CHRFAM7A: variants seen among roughly 807,000 people sequenced by gnomAD.
CHRFAM7A encodes CHRNA7-FAM7A fusion protein.
A neutral mutation model predicts 29.2 loss-of-function variants in CHRFAM7A; 3 were observed. The ratio of observed to expected loss-of-function variants is 0.10; its 90% CI spans 0.05 to 0.27. CHRFAM7A has a LOEUF of 0.27. CHRFAM7A is among the 10% of genes least tolerant of loss of function. CHRFAM7A has a pLI of 1.00. For missense variants in CHRFAM7A, 22 were observed against 328.0 expected (o/e 0.07, Z 7.21); for synonymous variants, 7 against 135.4 (o/e 0.05, Z 6.58).
At position 30,371,576 on chromosome 15, in the gene CHRFAM7A, A is replaced by C. The variant is rs538272463; in HGVS notation, c.524-392T>G. On this transcript the variant is annotated intron_variant, in intron 7 of 9. Transcript: ENST00000299847. ...TCTTACGTTTGCTACTCAGCTAGCTATGTGACCTTAGATACAACATTCAAC... is the reference window on the plus strand; with the variant it reads ...TCTTACGTTTGCTACTCAGCTAGCTCTGTGACCTTAGATACAACATTCAAC... Among the ~76,000 whole-genome samples, 5 of 150,178 alleles carry C rather than the reference A, an allele frequency of 3.3e-5. No individual in the cohort carries two copies. In the South Asian group the frequency reaches 1.0e-3, roughly 31 times the overall value.
intron 5 of CHRFAM7A, among the ~76,000 whole-genome samples, chr15:30,373,503 G>A (rs1316412074): frequency 3.1e-5 from 4 of 128,254 alleles, no homozygotes; most frequent in Admixed American, 7.7e-5. Flanking sequence ...TGATGATGAA[G>A]TTAGAAATAG....
intron 9 of CHRFAM7A, among the ~76,000 whole-genome samples, chr15:30,363,085 A>G (rs1008119669): frequency 6.6e-6 from 1 of 151,538 alleles, no homozygotes; most frequent in African/African-American, 2.4e-5. Flanking sequence ...AGCTTCGTGG[A>G]AGGGGAAGGC....
chr15:30,375,732 AGTG>A (rs1335557621), intron 5 of CHRFAM7A, among the ~76,000 whole-genome samples: 2 of 130,172 alleles, frequency 1.5e-5, no homozygotes, highest in Non-Finnish European at 1.6e-5. Context: ...GTATGTGTGG[AGTG>A]GTGAGTGGTG....
At chr15:30,363,050 G>A (rs1220280947) in intron 9 of CHRFAM7A, among the ~76,000 whole-genome samples, 1 of 151,570 alleles carries the variant, frequency 6.6e-6, no homozygotes, top group African/African-American at 2.4e-5. Flanking sequence ...CTCCGGGGCA[G>A]GCACACTGCA....
chr15:30,365,804 T>G, intron 9 of CHRFAM7A, among the ~76,000 whole-genome samples: 2 of 5,660 alleles, frequency 3.5e-4, no homozygotes, highest in South Asian at 6.8e-3. Context: ...AGTGAGTCTT[T>G]TTTTTTTTTT....
intron 9 of CHRFAM7A, among the ~76,000 whole-genome samples, chr15:30,365,733 CTGTG>C (rs1369109684): frequency 2.8e-4 from 29 of 104,848 alleles, no homozygotes; most frequent in African/African-American, 1.1e-3. Context: ...GTGATGTGGT[CTGTG>C]TGTGAGACAT....
intron 5 of CHRFAM7A, among the ~76,000 whole-genome samples, chr15:30,375,183 T>C (rs1353791278): frequency 4.5e-5 from 6 of 133,330 alleles, no homozygotes; most frequent in Non-Finnish European, 9.6e-5. Context: ...TTTTCTAAAA[T>C]AGCCCTCATA....
In CHRFAM7A at chr15:30,362,372, A is replaced by ACCGGG; in HGVS notation, c.1159_1160insCCCGG (p.Val387AlafsTer13). ...GCCGATGGTGCAGATGATGGTGAAG[A>ACCGGG]CCGAGAAGGCCATGAGGCACAGGCG... On this transcript the variant is annotated frameshift_variant, in exon 10 of 10. Transcript: ENST00000299847. LOFTEE classifies it high-confidence loss of function. 1.5e-5 allele frequency: 4 copies of ACCGGG among 258,790 alleles called. No homozygotes were observed. Among genetic ancestry groups the ACCGGG allele is most frequent in the Non-Finnish European group, 2.0e-5 (3 of 152,230 alleles). 16.0% of individuals were successfully genotyped at this position (258,790 alleles called of 1,614,324 possible). A position where few individuals can be genotyped will look rare whatever the true frequency, so the allele number is the denominator to read the frequency against.
chr15:30,371,603 T>TGAACCTCATACTCAGAACAGATACAACA (rs2058859256), intron 7 of CHRFAM7A, among the ~76,000 whole-genome samples: 1 of 149,884 alleles, frequency 6.7e-6, no homozygotes, highest in Non-Finnish European at 1.5e-5. Context: ...ACATTCAACC[T>TGAACCTCATACTCAGAACAGATACAACA]TTCTGAACCT....
chr15:30,377,823 T>C (rs559615429), intron 4 of CHRFAM7A, among the ~76,000 whole-genome samples: 1 of 145,616 alleles, frequency 6.9e-6, no homozygotes, highest in Non-Finnish European at 1.5e-5. Context: ...CACATAAAAA[T>C]AGCTAAAATG....
At chr15:30,363,140 C>T (rs1398002940) in intron 9 of CHRFAM7A, among the ~76,000 whole-genome samples, 2 of 150,628 alleles carry the variant, frequency 1.3e-5, no homozygotes, top group South Asian at 2.1e-4. Flanking sequence ...CCTCTCTGAT[C>T]CTTCCTCATC....
chr15:30,377,964 C>T (rs2058950568), intron 4 of CHRFAM7A, among the ~76,000 whole-genome samples: 1 of 102,382 alleles, frequency 9.8e-6, no homozygotes, highest in Non-Finnish European at 1.9e-5. Flanking sequence ...TTGATAAATA[C>T]TCAACGTTGG....
At chr15:30,374,247 G>A (rs1043438410) in intron 5 of CHRFAM7A, among the ~76,000 whole-genome samples, 36 of 95,112 alleles carry the variant, frequency 3.8e-4, no homozygotes, top group African/African-American at 1.6e-3. Flanking sequence ...CTGGGGCAGG[G>A]CTGGCACTCT....
At chr15:30,371,531 T>C (rs1471136883) in intron 7 of CHRFAM7A, among the ~76,000 whole-genome samples, 68 of 148,644 alleles carry the variant, frequency 4.6e-4, no homozygotes, top group African/African-American at 1.7e-3. Context: ...AAATATGCAG[T>C]CAGGAGACCT....
chr15:30,374,662 C>T (rs1486353971), intron 5 of CHRFAM7A, among the ~76,000 whole-genome samples: 1 of 124,942 alleles, frequency 8.0e-6, no homozygotes, highest in East Asian at 2.4e-4. Context: ...TGTTCTAAAA[C>T]TAGACTGTGG....
At chr15:30,363,831 AAC>A (rs1216804474) in intron 9 of CHRFAM7A, among the ~76,000 whole-genome samples, 19 of 1,594 alleles carry the variant, frequency 0.012, 2 homozygotes, top group Admixed American at 0.013. Context: ...TATTTACAAA[AAC>A]ACTTGGTGGA....
chr15:30,363,291 C>G (rs1332917887), intron 9 of CHRFAM7A, among the ~76,000 whole-genome samples: 1 of 148,196 alleles, frequency 6.7e-6, no homozygotes, highest in Non-Finnish European at 1.5e-5. Context: ...CATGAGACAC[C>G]AGGTAAACTT....
At chr15:30,372,461 AAAG>A in intron 6 of CHRFAM7A, 120 bp from the exon 7 acceptor site, 1 of 260,668 alleles carries the variant, frequency 3.8e-6, no homozygotes, top group Non-Finnish European at 5.9e-6. Context: ...TAAAAAAAAA[AAAG>A]GGGGGGGTTG....
intron 4 of CHRFAM7A, among the ~76,000 whole-genome samples, chr15:30,377,526 T>C (rs907559593): frequency 2.2e-5 from 3 of 139,186 alleles, no homozygotes; most frequent in African/African-American, 8.1e-5. Flanking sequence ...AAAGCTCTAG[T>C]TCCAGCCTCT....
Sources: allele counts gnomAD v4.1 joint callset (sites outside exome capture counted in the v4.1 genomes callset), GRCh38; gene constraint gnomAD v4.1.1; transcripts MANE v1.5; gene names NCBI Gene and HGNC (gene_info 2026-07-23, HGNC 2026-07-21).